NR5A1: variants seen among roughly 807,000 people sequenced by gnomAD.
NR5A1 encodes nuclear receptor subfamily 5 group A member 1, also known as steroidogenic factor 1.
A neutral mutation model predicts 42.7 loss-of-function variants in NR5A1; 6 were observed. That is an observed-to-expected ratio of 0.14 (90% CI 0.08 to 0.28). The LOEUF (loss-of-function observed/expected upper bound fraction) is 0.28, where lower values mean the gene tolerates loss of function less well. NR5A1 is among the 10% of genes least tolerant of loss of function. The pLI is 1.00. For synonymous variants in NR5A1, 274 were observed against 277.5 expected (o/e 0.99, Z 0.12); for missense variants, 442 against 626.4 (o/e 0.71, Z 3.14).
At position 124,491,087 on chromosome 9, in the gene NR5A1, T is replaced by C; in HGVS notation, c.1132A>G (p.Ser378Gly). 7.3e-7 allele frequency: 1 copy of C among 1,366,444 alleles called. No individual in the cohort carries two copies. Among genetic ancestry groups the C allele is most frequent in the South Asian group, 1.2e-5 (1 of 86,642 alleles). The allele number at this position is 1,366,444 out of a possible 1,614,324, so 84.6% of individuals were successfully genotyped here. Residue 378 changes from serine to glycine, a missense_variant, in exon 6 of 7, where the codon AGC becomes GGC. By Grantham distance (56) the Ser-to-Gly change is moderately conservative. This residue lies in a region of NR5A1 where 163 missense variants were observed against 265.8 expected (regional missense o/e 0.61). Coordinates refer to ENST00000373588, the MANE Select transcript of NR5A1 (RefSeq NM_004959.5). ...TCACTGGAGCTGCACTCACCCAGGCTGAAGAGGATGATGAACTTGAGGCAG... is the reference window on the plus strand; with the variant it reads ...TCACTGGAGCTGCACTCACCCAGGCCGAAGAGGATGATGAACTTGAGGCAG... ...FVCLKFIILF[S>G]LDLKFLNNHI...
Position 124,491,580 on chromosome 9 carries a change from G to A in NR5A1, c.991-352C>T, listed in dbSNP as rs1021079463. ...ACATGCTGGGAGGGGAGGGGTTGGG[G>A]AGGGCAGGCCTGTGTGGGGACACAC... On this transcript the variant is annotated intron_variant, in intron 5 of 6. Transcript: ENST00000373588. Among the ~76,000 whole-genome samples, 5 of 152,202 alleles carry A rather than the reference G, an allele frequency of 3.3e-5. No individual in the cohort carries two copies. The South Asian group carries it at 1.0e-3, about 32-fold the overall frequency.
At position 124,493,050 on chromosome 9, in the gene NR5A1, G is replaced by C. The variant is rs751846262; in HGVS notation, c.970C>G (p.Leu324Val). ...GTCACCTCCTGCCCGGTGACCAGCA[G>C]GATGCTGCCCTCCTTGCCGTGCTGG... ...QVQHGKEGSI[L>V]LVTGQEVELT... The change falls in exon 5 of 7, where the codon CTG becomes GTG. Residue 324 changes from leucine (L) to valine (V), a missense_variant. Leu to Val is a conservative substitution (Grantham distance 32). Transcript: ENST00000373588. 6.2e-7 allele frequency: 1 copy of C among 1,606,180 alleles called. No homozygotes were observed. The highest frequency in any genetic ancestry group is 2.2e-5 in the East Asian group (1 of 44,688).
chr9:124,486,787 C>T (rs901429279), intron 6 of NR5A1, among the ~76,000 whole-genome samples: 24 of 152,224 alleles, frequency 1.6e-4, no homozygotes, highest in South Asian at 4.1e-4. Context: ...GAACACCACA[C>T]CGTTCTTCCA....
chr9:124,482,752 C>A lies in NR5A1; in HGVS notation c.*6G>T. The stretch of plus-strand genomic sequence containing the variant: ...CCCCAGTCCCGGCCCCGCCCCCGGC[C>A]CAGGCTCAAGTCTGCTTGGCTTGCA... On this transcript the variant is annotated 3_prime_UTR_variant, in exon 7 of 7. Coordinates refer to ENST00000373588, the MANE Select transcript of NR5A1 (RefSeq NM_004959.5). 2.9e-6 allele frequency: 4 copies of A among 1,400,650 alleles called. No homozygotes were observed. Among genetic ancestry groups the A allele is most frequent in the Non-Finnish European group, 3.8e-6 (4 of 1,053,206 alleles). 86.8% of individuals were successfully genotyped at this position (1,400,650 alleles called of 1,614,324 possible).
rs1832422902 is a variant in NR5A1 at position 124,498,724 on chromosome 9, C to A, written c.870+1366G>T. On this transcript the variant is annotated intron_variant, in intron 4 of 6. Coordinates refer to ENST00000373588, the MANE Select transcript of NR5A1 (RefSeq NM_004959.5). The surrounding 1 kb of genome is among the most constrained non-coding windows in gnomAD (Gnocchi z 4.6). ...CATCCATTAGGTCGGACCAGAGAGG[C>A]GGGCAGTGTTGAGAAGGGGCTGGGG... 6.6e-6 allele frequency among the ~76,000 whole-genome samples: 1 copy of A among 152,188 alleles called. No individual in the cohort carries two copies. Among genetic ancestry groups the A allele is most frequent in the African/African-American group, 2.4e-5 (1 of 41,452 alleles).
At chr9:124,493,738 A>G (rs1832349625) in intron 4 of NR5A1, among the ~76,000 whole-genome samples, 1 of 152,192 alleles carries the variant, frequency 6.6e-6, no homozygotes, top group Non-Finnish European at 1.5e-5. Flanking sequence ...GGCCCAGGGC[A>G]TGAGCAGGGG....
rs78818776 is a variant in NR5A1 at position 124,484,330 on chromosome 9, G to T, written c.1139-1325C>A. On this transcript the variant is annotated intron_variant, in intron 6 of 6. Transcript: ENST00000373588. ...CGTGGTGACCGCACCCCAAGGAGTC[G>T]TGTGCAATAGGCAGAAGTCAGGGAG... 1.8e-3 allele frequency among the ~76,000 whole-genome samples: 268 copies of T among 152,324 alleles called. 2 individuals are homozygous for T. Among genetic ancestry groups the T allele is most frequent in the African/African-American group, 6.2e-3 (259 of 41,572 alleles).
At chr9:124,490,961 TC>T in intron 6 of NR5A1, 119 bp downstream of exon 6, 1 of 1,296,716 alleles carries the variant, frequency 7.7e-7, no homozygotes, top group Non-Finnish European at 1.1e-6. Context: ...GGGTCCTTTC[TC>T]CCCGAGGCTC....
intron 4 of NR5A1, among the ~76,000 whole-genome samples, chr9:124,495,380 A>G (rs905384062): frequency 6.6e-6 from 1 of 152,072 alleles, no homozygotes; most frequent in Non-Finnish European, 1.5e-5. Flanking sequence ...AGGACACCTC[A>G]CCCCTGCCCT....
intron 4 of NR5A1, among the ~76,000 whole-genome samples, chr9:124,493,749 G>T (rs931514375): frequency 6.6e-6 from 1 of 152,212 alleles, no homozygotes; most frequent in African/African-American, 2.4e-5. Context: ...TGAGCAGGGG[G>T]GCGGCAATGG....
chr9:124,503,440 C>A lies in NR5A1; in HGVS notation c.-15-30G>T, dbSNP rs769651301. 6.5e-7 allele frequency: 1 copy of A among 1,547,258 alleles called. No homozygotes were observed. Among genetic ancestry groups the A allele is most frequent in the South Asian group, 1.2e-5 (1 of 85,038 alleles). On this transcript the variant is annotated intron_variant, in intron 1 of 6. Transcript: ENST00000373588. The surrounding 1 kb of genome is among the most constrained non-coding windows in gnomAD (Gnocchi z 9.6). ...GGAGGGACAGCGGGTCAGGGAGGGC[C>A]GGCGGAGACCGGCAGCCTGGGGTCC... is the stretch of plus-strand genomic sequence containing the variant.
At chr9:124,499,993 T>G in intron 4 of NR5A1, 97 bp downstream of exon 4, 1 of 1,578,670 alleles carries the variant, frequency 6.3e-7, no homozygotes, top group Non-Finnish European at 8.7e-7. Context: ...CTGAAGCCAG[T>G]GGGAAGGATG....
chr9:124,494,568 G>A (rs967438906), intron 4 of NR5A1, among the ~76,000 whole-genome samples: 11 of 152,216 alleles, frequency 7.2e-5, no homozygotes, highest in Admixed American at 7.2e-4. Context: ...CAGAACTGGT[G>A]TTCAGCTCTT....
At chr9:124,491,270 TG>T in intron 5 of NR5A1, 42 bp from the exon 6 acceptor site, 1 of 1,531,692 alleles carries the variant, frequency 6.5e-7, no homozygotes, top group Non-Finnish European at 8.8e-7. Context: ...TCAGAGGACG[TG>T]GGTCCGGGCA....
Position 124,500,962 on chromosome 9 carries a change from T to C in NR5A1, c.245-247A>G, listed in dbSNP as rs1223391504. The C allele has an allele frequency of 1.4e-6, 1 of 721,494 alleles. No individual in the cohort carries two copies. The highest frequency in any genetic ancestry group is 2.7e-5 in the East Asian group (1 of 37,090). The allele number at this position is 721,494 out of a possible 1,614,324, so 44.7% of individuals were successfully genotyped here. On this transcript the variant is annotated intron_variant, in intron 3 of 6. Transcript: ENST00000373588. The surrounding 1 kb of genome is among the most constrained non-coding windows in gnomAD (Gnocchi z 6.9). The stretch of plus-strand genomic sequence containing the variant: ...ACCGAACTCACCTCCACTCCTCTGT[T>C]TGACACATCTCCTTCCTCCTCCACC...
intron 4 of NR5A1, among the ~76,000 whole-genome samples, chr9:124,495,881 G>A (rs1397002253): frequency 6.6e-6 from 1 of 152,212 alleles, no homozygotes; most frequent in East Asian, 1.9e-4. Flanking sequence ...TATGGTCGCT[G>A]AGGCTTTGGT....
At chr9:124,488,206 C>CCCG (rs1291950620) in intron 6 of NR5A1, among the ~76,000 whole-genome samples, 2 of 152,118 alleles carry the variant, frequency 1.3e-5, no homozygotes, top group Non-Finnish European at 2.9e-5. Context: ...CCCCACCCCC[C>CCCG]GGAAGCCTTC....
Position 124,491,074 on chromosome 9 carries a change from C to T in NR5A1, c.1138+7G>A, listed in dbSNP as rs779012848. The T allele has an allele frequency of 2.2e-6, 3 of 1,344,074 alleles. No individual in the cohort carries two copies. The highest frequency in any genetic ancestry group is 3.1e-5 in the African/African-American group (2 of 65,494). The allele number at this position is 1,344,074 out of a possible 1,614,324, so 83.3% of individuals were successfully genotyped here. On this transcript the variant is annotated splice_region_variant and intron_variant, in intron 6 of 6. Transcript: ENST00000373588. ...CTCCACCTCTCTGTCACTGGAGCTG[C>T]ACTCACCCAGGCTGAAGAGGATGAT...
chr9:124,493,637 C>G (rs1021841148), intron 4 of NR5A1, among the ~76,000 whole-genome samples: 2 of 152,218 alleles, frequency 1.3e-5, no homozygotes, highest in Admixed American at 6.5e-5. Flanking sequence ...AAACAGGAGC[C>G]ATGAGGGAGA....
Sources: allele counts gnomAD v4.1 joint callset (sites outside exome capture counted in the v4.1 genomes callset), GRCh38; gene constraint gnomAD v4.1.1; regional missense constraint gnomAD v4.1.1; non-coding constraint Gnocchi (gnomAD v3.1); transcripts MANE v1.5; gene names NCBI Gene and HGNC (gene_info 2026-07-23, HGNC 2026-07-21).